PLD5: variants seen among roughly 807,000 people sequenced by gnomAD.
PLD5 encodes the protein phospholipase D family member 5.
Under a neutral mutation model 61.1 loss-of-function variants are expected in PLD5, and 36 were observed. The observed-to-expected ratio is 0.59, with a 90% CI of 0.45 to 0.78. The LOEUF is 0.78. Among genes scored for constraint, PLD5 ranks in the 30% least tolerant of loss-of-function variants. The pLI, the probability that PLD5 is intolerant of heterozygous loss-of-function variation, is 0.00. For missense variants in PLD5, 515 were observed against 644.4 expected (o/e 0.80, Z 2.17); for synonymous variants, 243 against 242.8 (o/e 1.00, Z -0.01).
chr1:242,254,989 A>G (rs316920), intron 4 of PLD5, among the ~76,000 whole-genome samples: 31,702 of 152,188 alleles, frequency 0.21, 4,006 homozygotes, highest in Non-Finnish European at 0.29. Context: ...GCAATCAAGC[A>G]TGAGCCTCTC....
intron 1 of PLD5, among the ~76,000 whole-genome samples, chr1:242,418,925 C>G (rs1664974718): frequency 6.6e-6 from 1 of 152,202 alleles, no homozygotes; most frequent in Non-Finnish European, 1.5e-5. Context: ...AAAAAAGATT[C>G]ACTGTGATCT....
intron 2 of PLD5, among the ~76,000 whole-genome samples, chr1:242,328,633 G>A (rs1658975789): frequency 6.6e-6 from 1 of 152,136 alleles, no homozygotes; most frequent in Admixed American, 6.5e-5. Flanking sequence ...TAGTACATTT[G>A]ATGTATATAT....
chr1:242,475,813 A>G (rs902765604), intron 1 of PLD5, among the ~76,000 whole-genome samples: 4 of 152,108 alleles, frequency 2.6e-5, no homozygotes, highest in African/African-American at 9.7e-5. Flanking sequence ...GAAGAGGAAG[A>G]GAGTCTAGAA....
At position 242,145,430 on chromosome 1, in the gene PLD5, G is replaced by C. The variant is rs574423062; in HGVS notation, c.736-20765C>G. Among the ~76,000 whole-genome samples, 5 of 152,124 alleles carry C rather than the reference G, an allele frequency of 3.3e-5. No individual in the cohort carries two copies. In the East Asian group the frequency reaches 9.7e-4, roughly 29 times the overall value. ...CTGTATTTCCAGTACCTAGTATGTC[G>C]TGGATGTTTGATAAATATATGTTGA... On this transcript the variant is annotated intron_variant, in intron 5 of 9. Transcript: ENST00000536534.
At chr1:242,453,531 C>A (rs953747639) in intron 1 of PLD5, among the ~76,000 whole-genome samples, 49 of 152,028 alleles carry the variant, frequency 3.2e-4, no homozygotes, top group African/African-American at 1.2e-3. Context: ...GACATCATTA[C>A]CTCCCTACAC....
At chr1:242,499,465 T>C (rs1271764314) in intron 1 of PLD5, among the ~76,000 whole-genome samples, 2 of 152,250 alleles carry the variant, frequency 1.3e-5, no homozygotes, top group African/African-American at 2.4e-5. Flanking sequence ...TCTACCTCTA[T>C]CTATCATATA....
intron 5 of PLD5, among the ~76,000 whole-genome samples, chr1:242,183,431 G>A (rs893274943): frequency 2.6e-5 from 4 of 152,062 alleles, no homozygotes; most frequent in Admixed American, 1.3e-4. Flanking sequence ...AGAACCCACC[G>A]CCGGTCATGG....
At chr1:242,134,746 C>T (rs1020508374) in intron 5 of PLD5, among the ~76,000 whole-genome samples, 2 of 152,180 alleles carry the variant, frequency 1.3e-5, no homozygotes, top group Non-Finnish European at 2.9e-5. Context: ...CTGCTTTTCC[C>T]ACACATACGC....
intron 4 of PLD5, among the ~76,000 whole-genome samples, chr1:242,243,048 A>C (rs1393699713): frequency 6.6e-6 from 1 of 152,260 alleles, no homozygotes; most frequent in South Asian, 2.1e-4. Context: ...AGGCAATTTC[A>C]TCTGAGGAAC....
chr1:242,399,054 C>G lies in PLD5; in HGVS notation c.190-50812G>C, dbSNP rs1480154274. ...GAACAAGAAGTGAAGTGACCGCACC[C>G]TAAGGCTCCTTCCAGTCTTAAGTTT... On this transcript the variant is annotated intron_variant, in intron 1 of 9. Coordinates refer to ENST00000536534, the MANE Select transcript of PLD5 (RefSeq NM_001372062.1). 3.3e-5 allele frequency among the ~76,000 whole-genome samples: 5 copies of G among 152,298 alleles called. No individual in the cohort carries two copies. In the East Asian group the frequency reaches 7.7e-4, roughly 24 times the overall value.
chr1:242,410,258 G>A (rs1478411883), intron 1 of PLD5, among the ~76,000 whole-genome samples: 2 of 152,140 alleles, frequency 1.3e-5, no homozygotes, highest in Non-Finnish European at 1.5e-5. Context: ...ACTTAATGGA[G>A]GAATGAGCAG....
rs140609097 is a variant in PLD5, at chr1:242,468,995, CAG to C, written c.189+55091_189+55092del. On this transcript the variant is annotated intron_variant, in intron 1 of 9. Transcript: ENST00000536534. ...GCTAGTGAGCAGTGAAGCCGTGATT[CAG>C]ACTCAGGCAGTCTGGTTCCAAAGTC... is the stretch of plus-strand genomic sequence containing the variant. 9.5e-3 allele frequency among the ~76,000 whole-genome samples: 1,445 copies of C among 152,256 alleles called. 29 individuals are homozygous for C. The highest frequency in any genetic ancestry group is 0.034 in the African/African-American group (1,395 of 41,550).
At chr1:242,246,517 A>ACACACACACACACACAC (rs60224534) in intron 4 of PLD5, among the ~76,000 whole-genome samples, 10 of 150,600 alleles carry the variant, frequency 6.6e-5, no homozygotes, top group South Asian at 2.1e-4. Context: ...ACACACACAC[A>ACACACACACACACACAC]AAAGCAAAAT....
intron 5 of PLD5, among the ~76,000 whole-genome samples, chr1:242,179,672 G>A (rs1363453277): frequency 7.2e-5 from 11 of 152,180 alleles, no homozygotes; most frequent in Admixed American, 5.9e-4. Context: ...GGAGGCCGAG[G>A]CGGGCAGATC....
At chr1:242,288,159 T>C (rs1675138702) in intron 3 of PLD5, among the ~76,000 whole-genome samples, 2 of 152,248 alleles carry the variant, frequency 1.3e-5, no homozygotes, top group South Asian at 4.1e-4. Flanking sequence ...AATTTTGTCC[T>C]TGCAAACCTG....
intron 9 of PLD5, 82 bp from the exon 10 acceptor site, chr1:242,090,192 C>A: frequency 6.6e-7 from 1 of 1,523,268 alleles, no homozygotes. Context: ...AGAGTGGATT[C>A]TATTAAAAAT....
At chr1:242,434,865 G>T (rs906579993) in intron 1 of PLD5, among the ~76,000 whole-genome samples, 2 of 152,024 alleles carry the variant, frequency 1.3e-5, no homozygotes, top group Non-Finnish European at 2.9e-5. Context: ...TGCCCACCTT[G>T]GCCTTCCAAT....
At chr1:242,213,243 T>G (rs1234856478) in intron 5 of PLD5, among the ~76,000 whole-genome samples, 2 of 152,216 alleles carry the variant, frequency 1.3e-5, no homozygotes, top group African/African-American at 4.8e-5. Context: ...CTTGTCGATT[T>G]CATTGGAAAG....
intron 4 of PLD5, among the ~76,000 whole-genome samples, chr1:242,264,563 G>T (rs1401806866): frequency 2.6e-5 from 4 of 152,140 alleles, no homozygotes; most frequent in Non-Finnish European, 4.4e-5. Flanking sequence ...TGTTTAAACA[G>T]CACAAACATG....
Sources: allele counts gnomAD v4.1 joint callset (sites outside exome capture counted in the v4.1 genomes callset), GRCh38; gene constraint gnomAD v4.1.1; transcripts MANE v1.5; gene names NCBI Gene and HGNC (gene_info 2026-07-23, HGNC 2026-07-21).